Variants in SPACA1 observed in about 807,000 individuals in gnomAD.
SPACA1 encodes sperm acrosome membrane-associated protein 1.
In SPACA1, 17 loss-of-function variants were observed where a neutral mutation model predicts 32.6. The observed-to-expected ratio is 0.52, with a 90% CI of 0.36 to 0.78. The LOEUF (loss-of-function observed/expected upper bound fraction) is 0.78. Among genes scored for constraint, SPACA1 ranks in the 30% least tolerant of loss-of-function variants. The pLI is 0.01. For missense variants in SPACA1, 363 were observed against 373.4 expected, an observed-to-expected ratio of 0.97 and a Z score of 0.23; for synonymous variants, 140 against 138.1, an observed-to-expected ratio of 1.01 and a Z score of -0.10.
intron 4 of SPACA1, among the ~76,000 whole-genome samples, chr6:88,059,219 A>G (rs907202099): frequency 6.6e-6 from 1 of 152,206 alleles, no homozygotes; most frequent in African/African-American, 2.4e-5. Flanking sequence ...AATCACTATC[A>G]TTAAACCCAT....
At chr6:88,050,642 T>C (rs1378401333) in intron 1 of SPACA1, among the ~76,000 whole-genome samples, 1 of 152,246 alleles carries the variant, frequency 6.6e-6, no homozygotes, top group African/African-American at 2.4e-5. Context: ...TGATGCAATA[T>C]CTTGGGCAAA....
intron 5 of SPACA1, among the ~76,000 whole-genome samples, chr6:88,060,537 G>C (rs1450248375): frequency 6.6e-6 from 1 of 152,104 alleles, no homozygotes; most frequent in African/African-American, 2.4e-5. Context: ...ATATTTTAGG[G>C]TGATTTTAAA....
intron 5 of SPACA1, among the ~76,000 whole-genome samples, chr6:88,063,620 T>C (rs1005630205): frequency 6.6e-6 from 1 of 152,140 alleles, no homozygotes; most frequent in African/African-American, 2.4e-5. Flanking sequence ...TTGACTAACA[T>C]TTAGTTACAT....
intron 3 of SPACA1, 68 bp downstream of exon 3, chr6:88,057,781 T>A: frequency 7.2e-7 from 1 of 1,390,212 alleles, no homozygotes. Flanking sequence ...ATTTTTCACC[T>A]CAGGTTGCCA....
At chr6:88,055,736 C>T (rs12193551) in intron 2 of SPACA1, among the ~76,000 whole-genome samples, 29,857 of 150,608 alleles carry the variant, frequency 0.2, 3,272 homozygotes, top group Middle Eastern at 0.31. Context: ...TTTGGGAGGC[C>T]GAGGCGGGTG....
chr6:88,066,078 C>T, intron 6 of SPACA1, 104 bp from the exon 7 acceptor site: 1 of 856,046 alleles, frequency 1.2e-6, no homozygotes, highest in Non-Finnish European at 1.7e-6. Flanking sequence ...AGGTAATACA[C>T]ACACACACAT....
chr6:88,046,915 T>C (rs1227192084), upstream of SPACA1, among the ~76,000 whole-genome samples: 1 of 152,216 alleles, frequency 6.6e-6, no homozygotes, highest in East Asian at 1.9e-4. Flanking sequence ...AGACTAGATA[T>C]TCAAATATTC....
chr6:88,048,395 G>C lies in SPACA1; in HGVS notation c.208+282G>C, dbSNP rs921117001. Among the ~76,000 whole-genome samples, 25 of 152,052 alleles carry C rather than the reference G, an allele frequency of 1.6e-4. 1 individual carries two copies. The highest frequency in any genetic ancestry group is 1.3e-3 in the Admixed American group (20 of 15,268). On this transcript the variant is annotated intron_variant, in intron 1 of 6. Coordinates refer to ENST00000237201, the MANE Select transcript of SPACA1 (RefSeq NM_030960.3). Reference sequence around the variant, plus strand: ...GACAAGGAAAAAGATTTTTTTTCAGGGTGGGAGGTAGCCTTCCAACAAGAG... The same window carrying C: ...GACAAGGAAAAAGATTTTTTTTCAGCGTGGGAGGTAGCCTTCCAACAAGAG...
At chr6:88,062,766 T>C (rs1221530758) in intron 5 of SPACA1, among the ~76,000 whole-genome samples, 2 of 152,056 alleles carry the variant, frequency 1.3e-5, no homozygotes. Flanking sequence ...CTGGGCAATA[T>C]AGCAAGACCC....
intron 5 of SPACA1, among the ~76,000 whole-genome samples, chr6:88,061,702 T>C (rs1191132076): frequency 1.4e-5 from 2 of 146,050 alleles, no homozygotes; most frequent in African/African-American, 5.1e-5. Flanking sequence ...CCTCCAAAAC[T>C]GCGAGACAAT....
At position 88,047,992 on chromosome 6, in the gene SPACA1, G is replaced by A. The variant is rs376457887; in HGVS notation, c.87G>A (p.Gly29=). 24 of 1,577,380 alleles carry A rather than the reference G, an allele frequency of 1.5e-5. No homozygotes were observed. The highest frequency in any genetic ancestry group is 2.1e-5 in the Non-Finnish European group (24 of 1,163,736). ...LLLAGLQSAR[G]TNVTAAVQDA... ...TGGCGGGCCTCCAGTCCGCGCGCGG[G>A]ACCAACGTCACCGCTGCCGTCCAGG... Residue 29 remains glycine, a synonymous_variant, in exon 1 of 7, where the codon GGG becomes GGA. Transcript: ENST00000237201.
Position 88,053,935 on chromosome 6 carries a change from T to G in SPACA1, c.209-11T>G. 1 of 1,611,356 alleles carries G rather than the reference T, an allele frequency of 6.2e-7. No homozygotes were observed. On this transcript the variant is annotated splice_polypyrimidine_tract_variant and intron_variant, in intron 1 of 6. Coordinates refer to ENST00000237201, the MANE Select transcript of SPACA1 (RefSeq NM_030960.3). ...ATAATTAAATAATGTATCTTTACCC[T>G]TTATGTTTAGTTTCAAATAGGAATG...
intron 1 of SPACA1, among the ~76,000 whole-genome samples, chr6:88,050,223 G>T (rs76771139): frequency 1.4e-3 from 213 of 152,292 alleles, no homozygotes; most frequent in African/African-American, 4.9e-3. Flanking sequence ...TATGGCACAA[G>T]TTATTGTCAC....
chr6:88,047,557 T>C (rs574951950), upstream of SPACA1, among the ~76,000 whole-genome samples: 1 of 152,234 alleles, frequency 6.6e-6, no homozygotes, highest in East Asian at 1.9e-4. Context: ...CTCCATAAAC[T>C]GAGGCAGAAG....
chr6:88,047,407 G>T (rs1178575841), upstream of SPACA1, among the ~76,000 whole-genome samples: 5 of 152,302 alleles, frequency 3.3e-5, no homozygotes, highest in African/African-American at 9.6e-5. Flanking sequence ...GGATATTCTG[G>T]ATAAGAAATT....
chr6:88,050,545 TTGTGAAATCTCAAC>T (rs1465603791), intron 1 of SPACA1, among the ~76,000 whole-genome samples: 2 of 152,234 alleles, frequency 1.3e-5, no homozygotes, highest in Non-Finnish European at 2.9e-5. Flanking sequence ...AAATGAAAAA[TTGTGAAATCTCAAC>T]TGTGTTCAAT....
At chr6:88,060,686 A>G (rs1478835214) in intron 5 of SPACA1, among the ~76,000 whole-genome samples, 1 of 152,214 alleles carries the variant, frequency 6.6e-6, no homozygotes, top group Non-Finnish European at 1.5e-5. Context: ...AAAGCTCTAA[A>G]AAAGGCAAGA....
intron 5 of SPACA1, among the ~76,000 whole-genome samples, chr6:88,060,580 G>A (rs1231970976): frequency 6.6e-6 from 1 of 152,116 alleles, no homozygotes; most frequent in Non-Finnish European, 1.5e-5. Context: ...CCTTTGATAT[G>A]CTGTTTAATG....
Position 88,066,332 on chromosome 6 carries a change from A to C in SPACA1, c.882A>C (p.Glu294Asp), listed in dbSNP as rs1489836693. Residue 294 changes from glutamate (E) to aspartate (D), a missense_variant, in exon 7 of 7, where the codon GAA (glutamate) becomes GAC (aspartate). Transcript: ENST00000237201. ...GEDDALSEWN[E>D] ...ATGATGCTTTAAGTGAATGGAATGA[A>C]TGATGTTTGAATGATATATAACAAA... 6.2e-7 allele frequency: 1 copy of C among 1,609,280 alleles called. No homozygotes were observed. Among genetic ancestry groups the C allele is most frequent in the Non-Finnish European group, 8.5e-7 (1 of 1,177,704 alleles).
Sources: gnomAD v4.1 joint callset for allele counts (sites outside exome capture counted in the v4.1 genomes callset) on GRCh38, gnomAD v4.1.1 for gene constraint, MANE v1.5 for transcripts, NCBI Gene and HGNC (gene_info 2026-07-23, HGNC 2026-07-21) for gene names.